PLXNC1: variants seen among roughly 807,000 people sequenced by gnomAD.
PLXNC1 encodes plexin-C1.
A neutral mutation model predicts 178.2 loss-of-function variants in PLXNC1; 75 were observed. That is an observed-to-expected ratio of 0.42 (90% confidence interval 0.35 to 0.51). The LOEUF (loss-of-function observed/expected upper bound fraction) is 0.51. PLXNC1 is among the 20% of genes least tolerant of loss of function. The probability of loss-of-function intolerance (pLI) is 0.02; values close to 1 mark genes in which losing one functional copy is unlikely to be tolerated. For missense variants in PLXNC1, 1,503 were observed against 1,984.4 expected, an observed-to-expected ratio of 0.76 and a Z score of 4.61; for synonymous variants, 790 against 779.9, an observed-to-expected ratio of 1.01 and a Z score of -0.22.
At position 94,305,163 on chromosome 12, in the gene PLXNC1, T is replaced by C; in HGVS notation, c.4603-18T>C. On this transcript the variant is annotated intron_variant, in intron 30 of 30. Transcript: ENST00000258526. ...CTAAAACCACAATATCTAAAATAAC[T>C]GTTCTAATTGTCAACAGATTCTAAA... 6.6e-7 allele frequency: 1 copy of C among 1,505,666 alleles called. No homozygotes were observed. The highest frequency in any genetic ancestry group is 9.2e-7 in the Non-Finnish European group (1 of 1,088,388). The allele number at this position is 1,505,666 out of a possible 1,614,324, so 93.3% of individuals were successfully genotyped here. A position where few individuals can be genotyped will look rare whatever the true frequency, so the allele number is the denominator to read the frequency against.
intron 4 of PLXNC1, 136 bp downstream of exon 4, chr12:94,186,609 T>G (rs1962519082): frequency 1.3e-5 from 8 of 638,670 alleles, no homozygotes; most frequent in Non-Finnish European, 2.3e-5. Flanking sequence ...AATCTTGTTG[T>G]GCAATCCTAA....
intron 10 of PLXNC1, among the ~76,000 whole-genome samples, chr12:94,239,272 A>G (rs1358369989): frequency 1.3e-5 from 2 of 152,248 alleles, no homozygotes; most frequent in African/African-American, 4.8e-5. Context: ...TTAATATGGT[A>G]CTTTTAAAAT....
intron 24 of PLXNC1, among the ~76,000 whole-genome samples, chr12:94,296,307 T>C (rs11107497): frequency 2.0e-5 from 3 of 151,986 alleles, no homozygotes; most frequent in African/African-American, 7.3e-5. Context: ...ATTACAGGAG[T>C]GTGCTACCAT....
At chr12:94,257,968 G>A (rs1307368830) in intron 17 of PLXNC1, among the ~76,000 whole-genome samples, 3 of 151,006 alleles carry the variant, frequency 2.0e-5, no homozygotes, top group African/African-American at 4.9e-5. Flanking sequence ...AGGTTGCAGT[G>A]AGCCGAGATC....
intron 2 of PLXNC1, among the ~76,000 whole-genome samples, chr12:94,177,231 A>ATATATATATATATATATATG (rs1962126027): frequency 2.4e-4 from 2 of 8,378 alleles, no homozygotes; most frequent in Non-Finnish European, 4.8e-4. Context: ...ATATATATAC[A>ATATATATATATATATATATG]TATATATATA....
At chr12:94,228,219 G>T (rs1218639956) in intron 9 of PLXNC1, among the ~76,000 whole-genome samples, 1 of 152,212 alleles carries the variant, frequency 6.6e-6, no homozygotes, top group South Asian at 2.1e-4. Context: ...AGAAAAGCTT[G>T]ATGCTCAGGT....
At position 94,307,394 on chromosome 12, in the gene PLXNC1, G is replaced by A. The variant is rs7308253; in HGVS notation, c.*2109G>A. 248 of 152,292 alleles carry A rather than the reference G, an allele frequency of 1.6e-3. No individual in the cohort carries two copies. Among genetic ancestry groups the A allele is most frequent in the African/African-American group, 5.8e-3 (242 of 41,564 alleles). 9.4% of individuals were successfully genotyped at this position (152,292 alleles called of 1,614,324 possible). ...TAAATGGCCAAATTAGATGTGTGCT[G>A]AAGACAATCAGTCACTGGGTCTATA... On this transcript the variant is annotated 3_prime_UTR_variant, in exon 31 of 31. Coordinates refer to ENST00000258526, the MANE Select transcript of PLXNC1 (RefSeq NM_005761.3).
At chr12:94,232,315 C>T (rs1964124717) in intron 9 of PLXNC1, among the ~76,000 whole-genome samples, 1 of 152,208 alleles carries the variant, frequency 6.6e-6, no homozygotes. Context: ...TCTCGAACTC[C>T]TGACCTCAAG....
rs748126554 is a variant in PLXNC1 at position 94,265,114 on chromosome 12, G to A, written c.3486G>A (p.Thr1162=). The A allele has an allele frequency of 9.3e-6, 15 of 1,614,098 alleles. No homozygotes were observed. Among genetic ancestry groups the A allele is most frequent in the Non-Finnish European group, 1.2e-5 (14 of 1,179,976 alleles). ...GAGAGCCCTTCTATTTGCTGGTGAC[G>A]ACTCTGAACCAGAAAATTAACAAGG... ...TVGEPFYLLV[T]TLNQKINKGP... The change falls in exon 21 of 31, where the codon ACG becomes ACA. Residue 1162 remains threonine (T), a synonymous_variant. Coordinates refer to ENST00000258526, the MANE Select transcript of PLXNC1 (RefSeq NM_005761.3).
intron 5 of PLXNC1, among the ~76,000 whole-genome samples, chr12:94,215,321 T>C (rs1302663397): frequency 1.3e-5 from 2 of 152,194 alleles, no homozygotes; most frequent in Non-Finnish European, 2.9e-5. Flanking sequence ...CTTGAACATA[T>C]TCAGGCATGT....
chr12:94,272,289 T>A (rs1317479183), intron 21 of PLXNC1: 1 of 152,322 alleles, frequency 6.6e-6, no homozygotes, highest in East Asian at 1.9e-4. Flanking sequence ...GCAGGGCTGG[T>A]AGAGCAGCTG....
At position 94,260,998 on chromosome 12, in the gene PLXNC1, A is replaced by G. The variant is rs574984454; in HGVS notation, c.3450+158A>G. On this transcript the variant is annotated intron_variant, in intron 20 of 30. Coordinates refer to ENST00000258526, the MANE Select transcript of PLXNC1 (RefSeq NM_005761.3). This position sits in a 1 kb window ranked among gnomAD's most constrained non-coding sequence, Gnocchi z 4.4. ...CCTGACCCAGAACAGAGAGAGGGAA[A>G]GTAAACATTGTTTTTGCTGCAACTG... Among the ~76,000 whole-genome samples, 1 of 152,364 alleles carries G rather than the reference A, an allele frequency of 6.6e-6. No individual in the cohort carries two copies. Among genetic ancestry groups the G allele is most frequent in the South Asian group, 2.1e-4 (1 of 4,828 alleles).
At chr12:94,189,887 G>A (rs1962660670) in intron 4 of PLXNC1, among the ~76,000 whole-genome samples, 1 of 152,146 alleles carries the variant, frequency 6.6e-6, no homozygotes, top group South Asian at 2.1e-4. Context: ...GGAAATCGCA[G>A]TCACCAAGAG....
intron 17 of PLXNC1, among the ~76,000 whole-genome samples, chr12:94,256,949 A>G (rs1964862525): frequency 6.6e-6 from 1 of 152,176 alleles, no homozygotes; most frequent in East Asian, 1.9e-4. Context: ...TGTTGTGTAT[A>G]ATCTTGAAAA....
chr12:94,227,469 C>G (rs1413019350), intron 9 of PLXNC1: 6 of 365,440 alleles, frequency 1.6e-5, no homozygotes, highest in South Asian at 3.7e-5. Context: ...TGATGTTGCT[C>G]TGGTCGAAAT....
intron 9 of PLXNC1, 57 bp from the exon 10 acceptor site, chr12:94,237,607 T>G: frequency 2.6e-6 from 4 of 1,521,502 alleles, no homozygotes; most frequent in Non-Finnish European, 3.6e-6. Flanking sequence ...CAGATTTTTT[T>G]GGAGCGATGC....
chr12:94,291,596 T>C (rs530363162), intron 23 of PLXNC1, among the ~76,000 whole-genome samples: 1 of 152,288 alleles, frequency 6.6e-6, no homozygotes, highest in Admixed American at 6.5e-5. Context: ...GTTTTAGGTA[T>C]ACTTATAGAA....
At position 94,224,255 on chromosome 12, in the gene PLXNC1, C is replaced by T; in HGVS notation, c.1730C>T (p.Ser577Phe). 1.2e-6 allele frequency: 2 copies of T among 1,605,554 alleles called. No homozygotes were observed. The highest frequency in any genetic ancestry group is 1.7e-6 in the Non-Finnish European group (2 of 1,172,182). ...KDVSVVNVMF[S>F]FGSWNLSDRF... ...GTTTCAGTTGTCAACGTGATGTTCT[C>T]CTTCGGTTCTTGGAATTTATCAGAC... Residue 577 changes from serine to phenylalanine, a missense_variant, in exon 7 of 31, where the codon TCC becomes TTC. Transcript: ENST00000258526.
In PLXNC1 at chr12:94,196,206, G is replaced by A. The variant is rs767204629; in HGVS notation, c.1439+9733G>A. 1.2e-3 allele frequency among the ~76,000 whole-genome samples: 176 copies of A among 152,196 alleles called. 2 individuals carry two copies. The highest frequency in any genetic ancestry group is 4.9e-4 in the Non-Finnish European group (33 of 68,032). ...AGAGAGGGCCCGATAGGGCTTAGAT[G>A]TTTTGTCTCCTCCAAATCTCGTGTT... On this transcript the variant is annotated intron_variant, in intron 4 of 30. Transcript: ENST00000258526.
Sources: gnomAD v4.1 joint callset for allele counts (sites outside exome capture counted in the v4.1 genomes callset) on GRCh38, gnomAD v4.1.1 for gene constraint, Gnocchi (gnomAD v3.1) non-coding constraint, MANE v1.5 for transcripts, NCBI Gene and HGNC (gene_info 2026-07-23, HGNC 2026-07-21) for gene names.